Variants in MBNL1 observed in about 807,000 individuals in gnomAD.
MBNL1 encodes muscleblind-like protein 1.
A neutral mutation model predicts 42.2 loss-of-function variants in MBNL1; 8 were observed. The observed-to-expected ratio is 0.19, with a 90% CI of 0.11 to 0.34. MBNL1 has a LOEUF of 0.34. MBNL1 is among the 10% of genes least tolerant of loss of function. The probability of loss-of-function intolerance (pLI) is 1.00; values close to 1 mark genes in which losing one functional copy is unlikely to be tolerated. For synonymous variants in MBNL1, 169 were observed against 173.9 expected (o/e 0.97, Z 0.22); for missense variants, 309 against 495.3 (o/e 0.62, Z 3.57).
chr3:152,306,286 A>G (rs1280849412), intron 2 of MBNL1, among the ~76,000 whole-genome samples: 1 of 152,208 alleles, frequency 6.6e-6, no homozygotes, highest in Non-Finnish European at 1.5e-5. Context: ...ATTTGGTATA[A>G]ACAAATTAGG....
chr3:152,330,908 C>T (rs2152609043), intron 2 of MBNL1, among the ~76,000 whole-genome samples: 1 of 152,090 alleles, frequency 6.6e-6, no homozygotes, highest in Middle Eastern at 3.4e-3. Flanking sequence ...GAATGTATTC[C>T]CCATAGATAA....
chr3:152,459,029 T>G, intron 8 of MBNL1: 1 of 326,940 alleles, frequency 3.1e-6, no homozygotes, highest in Non-Finnish European at 5.6e-6. Flanking sequence ...TTTTGATAGT[T>G]TTACTTATTT....
chr3:152,331,207 TACAC>T (rs140853274), intron 2 of MBNL1, among the ~76,000 whole-genome samples: 5 of 151,126 alleles, frequency 3.3e-5, no homozygotes, highest in Non-Finnish European at 7.4e-5. Context: ...CATACACACA[TACAC>T]ACACACACCC....
chr3:152,444,182 A>G (rs1268910570), intron 4 of MBNL1, among the ~76,000 whole-genome samples: 1 of 152,220 alleles, frequency 6.6e-6, no homozygotes, highest in Non-Finnish European at 1.5e-5. Context: ...GCTTGAAGTA[A>G]GAGCACGAAA....
chr3:152,305,488 A>AT (rs397806926), intron 2 of MBNL1, among the ~76,000 whole-genome samples: 1,775 of 144,800 alleles, frequency 0.012, 31 homozygotes, highest in East Asian at 0.035. Flanking sequence ...GGAAATTTGA[A>AT]TTTTTTTTTT....
upstream of MBNL1, chr3:152,268,551 C>T: frequency 2.9e-6 from 1 of 350,120 alleles, no homozygotes; most frequent in South Asian, 2.1e-5. Context: ...GTAGAAGAAG[C>T]GGGAGGGCGT....
intron 4 of MBNL1, among the ~76,000 whole-genome samples, chr3:152,440,737 A>T (rs1415034828): frequency 6.6e-6 from 1 of 152,244 alleles, no homozygotes; most frequent in Admixed American, 6.5e-5. Flanking sequence ...TACAAAGTAG[A>T]TATTTTAATC....
intron 2 of MBNL1, among the ~76,000 whole-genome samples, chr3:152,249,164 C>G (rs1211137152): frequency 2.4e-5 from 3 of 123,616 alleles, no homozygotes; most frequent in Non-Finnish European, 3.4e-5. Flanking sequence ...AATGGTATTT[C>G]TAGTTCTAGA....
chr3:152,335,528 C>G (rs1014891136), intron 2 of MBNL1, among the ~76,000 whole-genome samples: 9 of 152,146 alleles, frequency 5.9e-5, no homozygotes, highest in African/African-American at 1.9e-4. Flanking sequence ...TCACTAATCT[C>G]TACTCTTGTT....
chr3:152,354,699 C>CAT (rs1470249369), intron 2 of MBNL1, among the ~76,000 whole-genome samples: 2 of 150,144 alleles, frequency 1.3e-5, no homozygotes, highest in East Asian at 3.9e-4. Context: ...AAATAGGGCA[C>CAT]ATATTGTTGT....
intron 5 of MBNL1, among the ~76,000 whole-genome samples, 162 bp from the exon 6 acceptor site, chr3:152,447,458 T>C (rs76214613): frequency 9.9e-5 from 15 of 151,626 alleles, no homozygotes; most frequent in Non-Finnish European, 1.8e-4. Context: ...TTTTTTTTTT[T>C]CCTCCTTAAT....
chr3:152,320,301 T>C (rs2075645349), intron 2 of MBNL1, among the ~76,000 whole-genome samples: 1 of 152,156 alleles, frequency 6.6e-6, no homozygotes, highest in Non-Finnish European at 1.5e-5. Context: ...CCAGCATCCT[T>C]CATTTGTGAT....
intron 2 of MBNL1, among the ~76,000 whole-genome samples, chr3:152,348,775 A>C (rs1394111819): frequency 6.6e-6 from 1 of 152,142 alleles, no homozygotes; most frequent in Non-Finnish European, 1.5e-5. Flanking sequence ...AGTAATGATT[A>C]TTAAAGGAAG....
chr3:152,374,453 C>G (rs1468840511), intron 2 of MBNL1, among the ~76,000 whole-genome samples: 1 of 152,166 alleles, frequency 6.6e-6, no homozygotes, highest in African/African-American at 2.4e-5. Flanking sequence ...AGCAAGTAGT[C>G]ATTTCCCAGC....
At chr3:152,415,263 CTGGA>C (rs2098678267) in intron 3 of MBNL1, 152 bp downstream of exon 3, 1 of 685,986 alleles carries the variant, frequency 1.5e-6, no homozygotes, top group Admixed American at 3.9e-5. Flanking sequence ...CAGTCAAATG[CTGGA>C]ACAATTTATA....
chr3:152,342,474 A>C (rs2093458346), intron 2 of MBNL1, among the ~76,000 whole-genome samples: 1 of 151,778 alleles, frequency 6.6e-6, no homozygotes, highest in Non-Finnish European at 1.5e-5. Flanking sequence ...TTATTATGTA[A>C]TGTTTCCAGG....
At chr3:152,438,919 A>C (rs897106900) in intron 4 of MBNL1, among the ~76,000 whole-genome samples, 2 of 152,174 alleles carry the variant, frequency 1.3e-5, no homozygotes, top group Non-Finnish European at 2.9e-5. Context: ...CATAGGCGTA[A>C]TCCAATAAAA....
rs140957478 is a variant in MBNL1, at chr3:152,455,610, A to G, written c.997+33A>G. The G allele has an allele frequency of 2.8e-4, 454 of 1,604,066 alleles. 1 individual carries two copies. In the African/African-American group the frequency reaches 5.1e-3, roughly 18 times the overall value. On this transcript the variant is annotated intron_variant, in intron 7 of 9. Coordinates refer to ENST00000324210, the MANE Select transcript of MBNL1 (RefSeq NM_021038.5). ...CCAGCTTTGTTTCTTGATTATCTTAAACCTATGGTGTACCTCACAGCCCCT... is the reference window on the plus strand; with the variant it reads ...CCAGCTTTGTTTCTTGATTATCTTAGACCTATGGTGTACCTCACAGCCCCT...
At chr3:152,443,191 C>T (rs1353588851) in intron 4 of MBNL1, among the ~76,000 whole-genome samples, 1 of 107,286 alleles carries the variant, frequency 9.3e-6, no homozygotes, top group Non-Finnish European at 1.8e-5. Context: ...CCCCCCCCCC[C>T]ACACACACAC....
Sources: gnomAD v4.1 joint callset for allele counts (sites outside exome capture counted in the v4.1 genomes callset) on GRCh38, gnomAD v4.1.1 for gene constraint, MANE v1.5 for transcripts, NCBI Gene and HGNC (gene_info 2026-07-23, HGNC 2026-07-21) for gene names.